Variants in SDK1 observed in about 807,000 individuals in gnomAD.
The protein encoded by SDK1 is protein sidekick-1.
In SDK1, 157 loss-of-function variants were observed where a neutral mutation model predicts 245.5. That is an observed-to-expected ratio of 0.64 (90% confidence interval 0.56 to 0.73). SDK1 has a LOEUF of 0.73. SDK1 is among the 30% of genes least tolerant of loss of function. SDK1 has a pLI of 0.00. For synonymous variants in SDK1, 1,647 were observed against 1,278.5 expected (o/e 1.29, Z -6.15); for missense variants, 3,583 against 3,002.3 (o/e 1.19, Z -4.52).
At chr7:3,452,155 AGT>A (rs1448466614) in intron 1 of SDK1, among the ~76,000 whole-genome samples, 1 of 152,178 alleles carries the variant, frequency 6.6e-6, no homozygotes, top group African/African-American at 2.4e-5. Context: ...TTATCTGTTC[AGT>A]GTGTTTGGGG....
chr7:3,981,995 C>A (rs1039351191), intron 13 of SDK1, among the ~76,000 whole-genome samples: 1 of 152,160 alleles, frequency 6.6e-6, no homozygotes, highest in African/African-American at 2.4e-5. Flanking sequence ...CTAGGACTTT[C>A]CTAGTTACGG....
At chr7:3,495,109 C>T (rs895474742) in intron 1 of SDK1, among the ~76,000 whole-genome samples, 6 of 152,042 alleles carry the variant, frequency 3.9e-5, no homozygotes, top group South Asian at 2.1e-4. Flanking sequence ...TGCCACCATC[C>T]GTCAGTCTCT....
At chr7:3,458,073 T>TTG (rs927558998) in intron 1 of SDK1, among the ~76,000 whole-genome samples, 4 of 152,068 alleles carry the variant, frequency 2.6e-5, no homozygotes, top group South Asian at 2.1e-4. Flanking sequence ...GGATTCTTTT[T>TTG]TGTGTGTGTG....
At chr7:3,644,969 G>A (rs76116245) in intron 4 of SDK1, among the ~76,000 whole-genome samples, 4,349 of 147,066 alleles carry the variant, frequency 0.03, 216 homozygotes, top group African/African-American at 0.1. Flanking sequence ...TTCCTCTCAA[G>A]CACTGGAGCT....
intron 22 of SDK1, among the ~76,000 whole-genome samples, chr7:4,088,789 T>A (rs1202550315): frequency 6.6e-6 from 1 of 152,238 alleles, no homozygotes; most frequent in African/African-American, 2.4e-5. Context: ...TTTCTGGTTG[T>A]AGATTTGGCC....
intron 19 of SDK1, among the ~76,000 whole-genome samples, chr7:4,058,930 A>G (rs1416201846): frequency 6.6e-6 from 1 of 152,196 alleles, no homozygotes; most frequent in Non-Finnish European, 1.5e-5. Context: ...TTGGTAGAGC[A>G]AACACACAAA....
intron 1 of SDK1, among the ~76,000 whole-genome samples, chr7:3,541,842 T>C (rs1779061166): frequency 6.6e-6 from 1 of 152,188 alleles, no homozygotes; most frequent in Non-Finnish European, 1.5e-5. Context: ...CTTAAGAGTA[T>C]TAAGGAGCTA....
At chr7:3,665,964 G>T (rs1783518728) in intron 4 of SDK1, among the ~76,000 whole-genome samples, 1 of 151,996 alleles carries the variant, frequency 6.6e-6, no homozygotes, top group Admixed American at 6.6e-5. Context: ...TTCTCGGTTG[G>T]CTCACACTTC....
chr7:3,380,952 T>C (rs537553971), intron 1 of SDK1, among the ~76,000 whole-genome samples: 2 of 152,346 alleles, frequency 1.3e-5, no homozygotes, highest in East Asian at 3.9e-4. Context: ...TTTGTGGTTA[T>C]GTTTTTCAAA....
At chr7:3,804,895 G>T (rs922037708) in intron 4 of SDK1, among the ~76,000 whole-genome samples, 4 of 152,198 alleles carry the variant, frequency 2.6e-5, no homozygotes, top group African/African-American at 9.7e-5. Flanking sequence ...AAGGATTGGT[G>T]AGATATTGGT....
rs55884406 is a variant in SDK1 at position 3,455,753 on chromosome 7, A to C, written c.298+153869A>C. ...ATTCTCTGTCAAGATTGTTTTAGCTATTCTAGGTTCTTTGCCTTTTCATAT... is the reference window on the plus strand; with the variant it reads ...ATTCTCTGTCAAGATTGTTTTAGCTCTTCTAGGTTCTTTGCCTTTTCATAT... On this transcript the variant is annotated intron_variant, in intron 1 of 44. Coordinates refer to ENST00000404826, the MANE Select transcript of SDK1 (RefSeq NM_152744.4). 6.1e-3 allele frequency among the ~76,000 whole-genome samples: 932 copies of C among 152,226 alleles called. 6 individuals carry two copies. The highest frequency in any genetic ancestry group is 0.021 in the African/African-American group (893 of 41,538).
intron 14 of SDK1, among the ~76,000 whole-genome samples, chr7:4,007,179 A>G (rs890752806): frequency 4.6e-5 from 7 of 152,186 alleles, no homozygotes; most frequent in Non-Finnish European, 7.4e-5. Context: ...GAATGAGAGC[A>G]ATCAAGGAGG....
rs1234764824 is a variant in SDK1, at chr7:3,780,393, CAAAG to C, written c.714-41052_714-41049del. On this transcript the variant is annotated intron_variant, in intron 4 of 44. Coordinates refer to ENST00000404826, the MANE Select transcript of SDK1 (RefSeq NM_152744.4). ...CACAGTGCCTAGGGTCAGGTAGAAACAAAGAAAGGAGGCAGAGGTCATGGTTACC... is the reference window on the plus strand; with the variant it reads ...CACAGTGCCTAGGGTCAGGTAGAAACAAAGGAGGCAGAGGTCATGGTTACC... Among the ~76,000 whole-genome samples, 3 of 152,226 alleles carry C rather than the reference CAAAG, an allele frequency of 2.0e-5. No individual in the cohort carries two copies. In the East Asian group the frequency reaches 5.8e-4, roughly 29 times the overall value.
intron 4 of SDK1, among the ~76,000 whole-genome samples, chr7:3,669,222 T>C (rs975627485): frequency 6.6e-6 from 1 of 152,222 alleles, no homozygotes; most frequent in African/African-American, 2.4e-5. Context: ...TCCCAAATTA[T>C]AAGAGCATGG....
At chr7:3,733,788 C>G (rs1237268857) in intron 4 of SDK1, among the ~76,000 whole-genome samples, 1 of 152,134 alleles carries the variant, frequency 6.6e-6, no homozygotes, top group Non-Finnish European at 1.5e-5. Flanking sequence ...ACGGCCCTTC[C>G]CTACAGGAGG....
At chr7:4,098,824 CTTTTTTTTTTTTTTT>C (rs58678214) in intron 22 of SDK1, among the ~76,000 whole-genome samples, 3 of 82,852 alleles carry the variant, frequency 3.6e-5, no homozygotes, top group African/African-American at 6.9e-5. Context: ...CCACAATGCC[CTTTTTTTTTTTTTTT>C]TTTTTTTTTT....
At chr7:3,861,676 G>A (rs935864803) in intron 5 of SDK1, among the ~76,000 whole-genome samples, 1 of 152,114 alleles carries the variant, frequency 6.6e-6, no homozygotes, top group African/African-American at 2.4e-5. Context: ...CTGTCTTCAT[G>A]AGCCTGAAGT....
At chr7:4,256,915 T>C (rs371993014) in intron 44 of SDK1, among the ~76,000 whole-genome samples, 1 of 152,246 alleles carries the variant, frequency 6.6e-6, no homozygotes, top group Non-Finnish European at 1.5e-5. Context: ...GTGAAAATTC[T>C]GCAGATCCGT....
intron 1 of SDK1, among the ~76,000 whole-genome samples, chr7:3,313,485 AAAAG>A (rs1209786303): frequency 1.3e-5 from 2 of 152,236 alleles, no homozygotes; most frequent in African/African-American, 2.4e-5. Context: ...ATGCACTTCA[AAAAG>A]AAAGAAATTG....
Sources: allele counts gnomAD v4.1 joint callset (sites outside exome capture counted in the v4.1 genomes callset), GRCh38; gene constraint gnomAD v4.1.1; transcripts MANE v1.5; gene names NCBI Gene and HGNC (gene_info 2026-07-23, HGNC 2026-07-21).